Variants in ADAMTS2 observed in about 807,000 individuals in gnomAD.
ADAMTS2 encodes ADAM metallopeptidase with thrombospondin type 1 motif 2, also known as A disintegrin and metalloproteinase with thrombospondin motifs 2.
ADAMTS2 carries 50 observed loss-of-function variants against 123.0 expected under a neutral mutation model. The observed-to-expected ratio is 0.41, with a 90% CI of 0.32 to 0.51. The LOEUF (loss-of-function observed/expected upper bound fraction) is 0.51, where lower values mean the gene tolerates loss of function less well. ADAMTS2 is among the 20% of genes least tolerant of loss of function. ADAMTS2 has a pLI of 0.35. For missense variants in ADAMTS2, 1,494 were observed against 1,705.2 expected, an observed-to-expected ratio of 0.88 and a Z score of 2.18; for synonymous variants, 678 against 695.4, an observed-to-expected ratio of 0.98 and a Z score of 0.39.
intron 5 of ADAMTS2, among the ~76,000 whole-genome samples, chr5:179,177,885 T>C (rs1223793224): frequency 3.9e-5 from 6 of 152,168 alleles, no homozygotes; most frequent in Non-Finnish European, 7.3e-5. Flanking sequence ...GAGCAGACAC[T>C]TTTCAGGCCA....
chr5:179,116,288 G>A (rs558697083), intron 21 of ADAMTS2, among the ~76,000 whole-genome samples: 1 of 64,036 alleles, frequency 1.6e-5, no homozygotes, highest in East Asian at 4.6e-4. Flanking sequence ...GCCACTTGAA[G>A]TCCCTGACCT....
Position 179,128,040 on chromosome 5 carries a change from T to TGTC in ADAMTS2, c.2533_2535dup (p.Asp845dup). 6.2e-7 allele frequency: 1 copy of TGTC among 1,614,102 alleles called. No individual in the cohort carries two copies. Among genetic ancestry groups the TGTC allele is most frequent in the South Asian group, 1.1e-5 (1 of 91,078 alleles). On this transcript the variant is annotated inframe_insertion, in exon 17 of 22. Transcript: ENST00000251582. This position sits in a 1 kb window ranked among gnomAD's most constrained non-coding sequence, Gnocchi z 4.9. ...ACAGAGTCCTCTTCCAGGACGTTGT[T>TGTC]GTCGTCGACATTCAGTGAGTCCTCA...
rs1581235933 is a variant in ADAMTS2, at chr5:179,272,853, T to G, written c.688+58A>C. On this transcript the variant is annotated intron_variant, in intron 3 of 21. Transcript: ENST00000251582. This position sits in a 1 kb window ranked among gnomAD's most constrained non-coding sequence, Gnocchi z 5.8. ...TGCCTGAGTCTCTGGGATGCTCCCC[T>G]GGGGACCAGGGCCTCAGAGGGCTCT... 2 of 1,583,190 alleles carry G rather than the reference T, an allele frequency of 1.3e-6. No homozygotes were observed. The highest frequency in any genetic ancestry group is 1.7e-6 in the Non-Finnish European group (2 of 1,169,512).
chr5:179,172,603 C>T (rs925723050), intron 5 of ADAMTS2, among the ~76,000 whole-genome samples: 1 of 152,226 alleles, frequency 6.6e-6, no homozygotes, highest in Non-Finnish European at 1.5e-5. Flanking sequence ...ACCCCCTGCC[C>T]CAGCCACAGG....
chr5:179,197,700 C>T lies in ADAMTS2; in HGVS notation c.891+9813G>A, dbSNP rs1380510077. On this transcript the variant is annotated intron_variant, in intron 4 of 21. Coordinates refer to ENST00000251582, the MANE Select transcript of ADAMTS2 (RefSeq NM_014244.5). This position sits in a 1 kb window ranked among gnomAD's most constrained non-coding sequence, Gnocchi z 4.2. ...CCAGCCTGGGTGACTGAGTGAGACC[C>T]TGTCTCAAAAAAGAAAAAAATGCAT... 6.6e-6 allele frequency among the ~76,000 whole-genome samples: 1 copy of T among 152,064 alleles called. No homozygotes were observed. Among genetic ancestry groups the T allele is most frequent in the Non-Finnish European group, 1.5e-5 (1 of 68,022 alleles).
intron 2 of ADAMTS2, among the ~76,000 whole-genome samples, chr5:179,278,990 C>G (rs1481819066): frequency 1.3e-5 from 2 of 151,866 alleles, no homozygotes; most frequent in Non-Finnish European, 2.9e-5. Flanking sequence ...TATTCAACCA[C>G]AGACAGCCTG....
At chr5:179,247,321 T>A (rs1404955318) in intron 3 of ADAMTS2, among the ~76,000 whole-genome samples, 1 of 151,878 alleles carries the variant, frequency 6.6e-6, no homozygotes, top group East Asian at 1.9e-4. Flanking sequence ...ACTTACATTA[T>A]CAGCAATCAT....
chr5:179,119,940 G>A (rs576532105), intron 21 of ADAMTS2, among the ~76,000 whole-genome samples: 17 of 152,278 alleles, frequency 1.1e-4, no homozygotes, highest in African/African-American at 4.1e-4. Flanking sequence ...CCGGAGTCAC[G>A]GTGGGGTGTC....
intron 20 of ADAMTS2, among the ~76,000 whole-genome samples, chr5:179,122,109 G>A (rs772901323): frequency 6.6e-6 from 1 of 152,156 alleles, no homozygotes; most frequent in Non-Finnish European, 1.5e-5. Context: ...AGTGCCAGGG[G>A]AATGAGAGAT....
rs78060930 is a variant in ADAMTS2, at chr5:179,332,503, G to C, written c.534+11264C>G. Among the ~76,000 whole-genome samples the C allele has an allele frequency of 0.01, 1,592 of 152,310 alleles. 23 individuals are homozygous for C. Among genetic ancestry groups the C allele is most frequent in the Middle Eastern group, 0.031 (9 of 294 alleles). On this transcript the variant is annotated intron_variant, in intron 2 of 21. Transcript: ENST00000251582. This position sits in a 1 kb window ranked among gnomAD's most constrained non-coding sequence, Gnocchi z 4.2. ...CCCTTAACACTCAGGAAATTACAAA[G>C]GTTTTAGGAGCTCTGAGGCAGGAAC... is the stretch of plus-strand genomic sequence containing the variant.
At chr5:179,120,001 C>A (rs150138845) in intron 21 of ADAMTS2, among the ~76,000 whole-genome samples, 407 of 152,176 alleles carry the variant, frequency 2.7e-3, no homozygotes, top group Non-Finnish European at 4.3e-3. Context: ...GGGAGATACA[C>A]CTTTCAGGGG....
At chr5:179,216,739 A>G (rs2457099) in intron 3 of ADAMTS2, among the ~76,000 whole-genome samples, 91,415 of 152,248 alleles carry the variant, frequency 0.6, 28,439 homozygotes, top group African/African-American at 0.69. Flanking sequence ...CCAGCTCTCC[A>G]CTTTAATATT....
intron 2 of ADAMTS2, among the ~76,000 whole-genome samples, chr5:179,288,099 C>T (rs140363628): frequency 1.3e-5 from 2 of 152,242 alleles, no homozygotes; most frequent in African/African-American, 2.4e-5. Context: ...CCCCCTTTCA[C>T]TTTCCATCAC....
chr5:179,128,154 G>A lies in ADAMTS2; in HGVS notation c.2458-36C>T, dbSNP rs1021612968. On this transcript the variant is annotated intron_variant, in intron 16 of 21. Coordinates refer to ENST00000251582, the MANE Select transcript of ADAMTS2 (RefSeq NM_014244.5). The surrounding 1 kb of genome is among the most constrained non-coding windows in gnomAD (Gnocchi z 4.9). Reference sequence around the variant, plus strand: ...CCAAGAGCCTTGATGTGCCTGACCTGCCCTCCATGCTTCCTCCCCAGCCAG... The same window carrying A: ...CCAAGAGCCTTGATGTGCCTGACCTACCCTCCATGCTTCCTCCCCAGCCAG... The A allele has an allele frequency of 1.2e-6, 2 of 1,609,554 alleles. No homozygotes were observed. Among genetic ancestry groups the A allele is most frequent in the Non-Finnish European group, 1.7e-6 (2 of 1,179,576 alleles).
At chr5:179,311,552 G>C (rs114543955) in intron 2 of ADAMTS2, among the ~76,000 whole-genome samples, 1 of 152,192 alleles carries the variant, frequency 6.6e-6, no homozygotes, top group Non-Finnish European at 1.5e-5. Context: ...GTAAGATCCA[G>C]TTTATCAAGA....
chr5:179,136,883 T>C (rs1763075402), intron 12 of ADAMTS2, among the ~76,000 whole-genome samples: 2 of 150,920 alleles, frequency 1.3e-5, no homozygotes, highest in Admixed American at 6.6e-5. Context: ...GGCAGGAGAA[T>C]AGCTTGAACC....
At position 179,207,692 on chromosome 5, in the gene ADAMTS2, T is replaced by C; in HGVS notation, c.712A>G (p.Ser238Gly). 1 of 1,611,622 alleles carries C rather than the reference T, an allele frequency of 6.2e-7. No homozygotes were observed. Among genetic ancestry groups the C allele is most frequent in the East Asian group, 2.2e-5 (1 of 44,866 alleles). The change falls in exon 4 of 22, where the codon AGC becomes GGC. Residue 238 changes from serine (S) to glycine (G), a missense_variant. Coordinates refer to ENST00000251582, the MANE Select transcript of ADAMTS2 (RefSeq NM_014244.5). The part of the protein sequence containing the change: ...DTGASLDSLD[S>G]LSRALGVLEE... The stretch of plus-strand genomic sequence containing the variant: ...AGGACGCCCAGGGCGCGGCTGAGGC[T>C]GTCCAGGCTGTCCAGGGAGGCCCCT...
At chr5:179,122,853 C>T (rs1429394969) in intron 19 of ADAMTS2, 80 bp from the exon 20 acceptor site, 1 of 1,542,244 alleles carries the variant, frequency 6.5e-7, no homozygotes, top group African/African-American at 1.4e-5. Flanking sequence ...CCCACAGTCC[C>T]CAGGCACATG....
chr5:179,126,258 G>A (rs1762856264), intron 17 of ADAMTS2, 128 bp from the exon 18 acceptor site: 5 of 1,377,886 alleles, frequency 3.6e-6, no homozygotes, highest in Admixed American at 1.7e-5. Context: ...CAATAAGGGT[G>A]GGCAGGGCAC....
Sources: gnomAD v4.1 joint callset for allele counts (sites outside exome capture counted in the v4.1 genomes callset) on GRCh38, gnomAD v4.1.1 for gene constraint, Gnocchi (gnomAD v3.1) non-coding constraint, MANE v1.5 for transcripts, NCBI Gene and HGNC (gene_info 2026-07-23, HGNC 2026-07-21) for gene names.